Variants in PTBP2 observed in about 807,000 individuals in gnomAD.
PTBP2 encodes the protein polypyrimidine tract binding protein 2, also known as polypyrimidine tract-binding protein 2.
PTBP2 carries 13 observed loss-of-function variants against 61.4 expected under a neutral mutation model. That is an observed-to-expected ratio of 0.21 (90% CI 0.14 to 0.34). The LOEUF (loss-of-function observed/expected upper bound fraction) is 0.34, where lower values mean the gene tolerates loss of function less well. Among genes scored for constraint, PTBP2 ranks in the 10% least tolerant of loss-of-function variants. PTBP2 has a pLI of 1.00. For missense variants in PTBP2, 405 were observed against 642.6 expected, an observed-to-expected ratio of 0.63 and a Z score of 4.00; for synonymous variants, 215 against 218.5, an observed-to-expected ratio of 0.98 and a Z score of 0.14.
chr1:96,801,236 T>C (rs1201240989), intron 8 of PTBP2, among the ~76,000 whole-genome samples: 1 of 151,956 alleles, frequency 6.6e-6, no homozygotes, highest in Admixed American at 6.6e-5. Context: ...AGTTTGGGAG[T>C]GTCAATTAAC....
chr1:96,770,864 A>G lies in PTBP2; in HGVS notation c.432+13A>G, dbSNP rs1408700080. 4 of 1,544,184 alleles carry G rather than the reference A, an allele frequency of 2.6e-6. No homozygotes were observed. The highest frequency in any genetic ancestry group is 2.7e-6 in the Non-Finnish European group (3 of 1,117,842). On this transcript the variant is annotated intron_variant, in intron 5 of 13. Transcript: ENST00000674951. The stretch of plus-strand genomic sequence containing the variant: ...TACATTAAACCAAGTAAGTATGTGT[A>G]GGTACATAAATAAAATGGCCTAGAA...
intron 5 of PTBP2, among the ~76,000 whole-genome samples, chr1:96,773,934 G>A: frequency 6.9e-6 from 1 of 145,190 alleles, no homozygotes; most frequent in Non-Finnish European, 1.5e-5. Flanking sequence ...CTGCACTTCA[G>A]CCTGGGCGAC....
chr1:96,807,946 C>G (rs1009912632), intron 11 of PTBP2, among the ~76,000 whole-genome samples: 1 of 152,114 alleles, frequency 6.6e-6, no homozygotes, highest in Non-Finnish European at 1.5e-5. Flanking sequence ...GTGTGCACTT[C>G]TGTACTCTGG....
rs1317721273 is a variant in PTBP2 at position 96,802,471 on chromosome 1, CTAAT to C, written c.905-2326_905-2323del. On this transcript the variant is annotated intron_variant, in intron 8 of 13. Coordinates refer to ENST00000674951, the MANE Select transcript of PTBP2 (RefSeq NM_021190.4). ...TTTTAGATTATTTTAATTTTGGTAA[CTAAT>C]TATAATTCCTCAGTTAAGATTTTTT... Among the ~76,000 whole-genome samples, 5 of 152,230 alleles carry C rather than the reference CTAAT, an allele frequency of 3.3e-5. No homozygotes were observed. The East Asian group carries it at 5.8e-4, about 18-fold the overall frequency.
intron 8 of PTBP2, among the ~76,000 whole-genome samples, chr1:96,785,698 A>G (rs1659137127): frequency 6.6e-6 from 1 of 152,194 alleles, no homozygotes; most frequent in Admixed American, 6.5e-5. Flanking sequence ...AAACATACAT[A>G]ATGGGTGGAG....
At chr1:96,780,396 T>TA (rs1347435039) in intron 7 of PTBP2, among the ~76,000 whole-genome samples, 1 of 152,052 alleles carries the variant, frequency 6.6e-6, no homozygotes, top group African/African-American at 2.4e-5. Context: ...ACTTCTTAAA[T>TA]AGTCTATCTT....
intron 2 of PTBP2, chr1:96,749,800 G>A (rs1654309722): frequency 2.8e-6 from 1 of 356,084 alleles, no homozygotes; most frequent in Non-Finnish European, 5.9e-6. Context: ...GGTAATCACT[G>A]TTCGTGTATA....
At position 96,745,727 on chromosome 1, in the gene PTBP2, T is replaced by A. The variant is rs143463449; in HGVS notation, c.40-5698T>A. On this transcript the variant is annotated intron_variant, in intron 2 of 13. Coordinates refer to ENST00000674951, the MANE Select transcript of PTBP2 (RefSeq NM_021190.4). ...TACTCTTTTGTGAAAATACCCATTT[T>A]ATCTTTTATTGGACATTTGGGTTGA... Among the ~76,000 whole-genome samples, 846 of 152,302 alleles carry A rather than the reference T, an allele frequency of 5.6e-3. 9 individuals are homozygous for A. The highest frequency in any genetic ancestry group is 0.047 in the East Asian group (243 of 5,184).
chr1:96,790,001 T>G (rs1055741856), intron 8 of PTBP2, among the ~76,000 whole-genome samples: 1 of 152,170 alleles, frequency 6.6e-6, no homozygotes, highest in African/African-American at 2.4e-5. Flanking sequence ...AAGTTTGATT[T>G]GTTCAGAACA....
chr1:96,724,156 C>T (rs1650039650), intron 2 of PTBP2, among the ~76,000 whole-genome samples: 1 of 152,156 alleles, frequency 6.6e-6, no homozygotes, highest in African/African-American at 2.4e-5. Flanking sequence ...TCCTTTTTGG[C>T]TAAGAAAACT....
At chr1:96,799,083 G>T (rs907115029) in intron 8 of PTBP2, among the ~76,000 whole-genome samples, 1 of 152,238 alleles carries the variant, frequency 6.6e-6, no homozygotes, top group Middle Eastern at 3.4e-3. Context: ...ATCAGCTTCA[G>T]TGGAGGAAAG....
intron 8 of PTBP2, among the ~76,000 whole-genome samples, chr1:96,792,994 A>G (rs1322593851): frequency 6.6e-6 from 1 of 152,200 alleles, no homozygotes; most frequent in Non-Finnish European, 1.5e-5. Context: ...ATAGATTTTG[A>G]AGCACATTGC....
At chr1:96,816,574 T>A (rs1443860638), downstream of PTBP2, 1 of 152,160 alleles carries the variant, frequency 6.6e-6, no homozygotes, top group Non-Finnish European at 1.5e-5. Context: ...ATGAAGAAAA[T>A]TTTTCCTTAA....
At chr1:96,809,461 C>A (rs940150439) in intron 11 of PTBP2, among the ~76,000 whole-genome samples, 2 of 152,086 alleles carry the variant, frequency 1.3e-5, no homozygotes, top group Non-Finnish European at 2.9e-5. Context: ...CATATAAAAT[C>A]TGTATCCTGA....
rs954441947 is a variant in PTBP2 at position 96,814,701 on chromosome 1, A to G, written c.*1296A>G. The G allele has an allele frequency of 6.6e-6, 1 of 152,570 alleles. No individual in the cohort carries two copies. The highest frequency in any genetic ancestry group is 1.5e-5 in the Non-Finnish European group (1 of 67,982). 9.5% of individuals were successfully genotyped at this position (152,570 alleles called of 1,614,324 possible). A position where few individuals can be genotyped will look rare whatever the true frequency, so the allele number is the denominator to read the frequency against. On this transcript the variant is annotated 3_prime_UTR_variant, in exon 14 of 14. Transcript: ENST00000674951. ...ATCTATGTAGACAGAATGGTCATGT[A>G]TATTTTCTATTAGTTGAGTTTTTAC... is the stretch of plus-strand genomic sequence containing the variant.
chr1:96,817,649 T>A (rs1244039629), downstream of PTBP2: 1 of 152,116 alleles, frequency 6.6e-6, no homozygotes, highest in Non-Finnish European at 1.5e-5. Context: ...ATATATTAGT[T>A]GAAAGAAAAC....
chr1:96,789,575 T>G (rs961155877), intron 8 of PTBP2, among the ~76,000 whole-genome samples: 1 of 152,144 alleles, frequency 6.6e-6, no homozygotes, highest in African/African-American at 2.4e-5. Context: ...TTTAATTAGC[T>G]GTTAAACTGA....
Position 96,813,082 on chromosome 1 carries a change from C to G in PTBP2, c.1442C>G (p.Thr481Ser). 6.2e-7 allele frequency: 1 copy of G among 1,612,688 alleles called. No homozygotes were observed. Among genetic ancestry groups the G allele is most frequent in the Non-Finnish European group, 8.5e-7 (1 of 1,179,208 alleles). The change falls in exon 13 of 14, where the codon ACT (threonine) becomes AGT (serine). Residue 481 changes from threonine to serine, a missense_variant. Physicochemically the swap from Thr to Ser is moderately conservative, Grantham distance 58 (BLOSUM62 1). Transcript: ENST00000674951. ...LRTLFANTGG[T>S]VKAFKFFQDH... ...ACACTGTTCGCTAACACTGGGGGCA[C>G]TGTGAAAGCATTTAAGTTTTTTCAG...
intron 7 of PTBP2, among the ~76,000 whole-genome samples, chr1:96,779,735 T>C (rs1378541811): frequency 1.3e-5 from 2 of 152,114 alleles, no homozygotes; most frequent in Non-Finnish European, 2.9e-5. Context: ...GAAAAAGAAA[T>C]TTGTTTCCTA....
Sources: gnomAD v4.1 joint callset for allele counts (sites outside exome capture counted in the v4.1 genomes callset) on GRCh38, gnomAD v4.1.1 for gene constraint, MANE v1.5 for transcripts, NCBI Gene and HGNC (gene_info 2026-07-23, HGNC 2026-07-21) for gene names.